The following MAP4K3 variants were observed in gnomAD, a reference collection of about 807,000 sequenced individuals.
MAP4K3 encodes the protein mitogen-activated protein kinase kinase kinase kinase 3.
MAP4K3 carries 94 observed loss-of-function variants against 143.5 expected under a neutral mutation model. The ratio of observed to expected loss-of-function variants is 0.65; its 90% confidence interval spans 0.55 to 0.78. The LOEUF is 0.78. Among genes scored for constraint, MAP4K3 ranks in the 30% least tolerant of loss-of-function variants. The pLI, the probability that MAP4K3 is intolerant of heterozygous loss-of-function variation, is 0.00. For synonymous variants in MAP4K3, 416 were observed against 347.2 expected, an observed-to-expected ratio of 1.20 and a Z score of -2.20; for missense variants, 1,077 against 1,068.1, an observed-to-expected ratio of 1.01 and a Z score of -0.12.
chr2:39,254,435 A>G lies in MAP4K3; in HGVS notation c.2541+15T>C. ...ATAATGTCTTGTGACTACTTAATGG[A>G]CATAATTTACTTACCTCATTAGATC... is the stretch of plus-strand genomic sequence containing the variant. On this transcript the variant is annotated intron_variant, in intron 32 of 33. Transcript: ENST00000263881. 1.2e-6 allele frequency: 2 copies of G among 1,601,810 alleles called. No homozygotes were observed. The highest frequency in any genetic ancestry group is 3.3e-5 in the Admixed American group (2 of 59,848).
At chr2:39,288,742 A>G (rs937937020) in intron 19 of MAP4K3, among the ~76,000 whole-genome samples, 10 of 152,222 alleles carry the variant, frequency 6.6e-5, no homozygotes, top group Admixed American at 3.3e-4. Flanking sequence ...CAGGGGCATG[A>G]GAGGATACCA....
At position 39,272,363 on chromosome 2, in the gene MAP4K3, C is replaced by T. The variant is rs188401537; in HGVS notation, c.1893G>A (p.Gly631=). Residue 631 remains glycine, a synonymous_variant, in exon 26 of 34, where the codon GGG becomes GGA. Transcript: ENST00000263881. ...GCATTTGTCTTGCATAATCAAAAAG[C>T]CCTGGTAAATTATGGGAATAAAGCT... ...ASQLYSHNLP[G]LFDYARQMQK... is the part of the protein sequence containing the mutation. 4.3e-6 allele frequency: 7 copies of T among 1,613,520 alleles called. No homozygotes were observed. In the East Asian group the frequency reaches 1.3e-4, roughly 31 times the overall value.
intron 1 of MAP4K3, among the ~76,000 whole-genome samples, chr2:39,396,212 A>ATT (rs1666800982): frequency 6.6e-6 from 1 of 151,820 alleles, no homozygotes; most frequent in Non-Finnish European, 1.5e-5. Context: ...TAATTTTTAA[A>ATT]TTTTTTAATG....
intron 1 of MAP4K3, among the ~76,000 whole-genome samples, chr2:39,417,592 A>G (rs1225410513): frequency 2.0e-5 from 3 of 152,228 alleles, no homozygotes; most frequent in African/African-American, 7.2e-5. Flanking sequence ...AAACCATGTG[A>G]TGCTAGATTA....
At chr2:39,294,206 A>G (rs950320380) in intron 16 of MAP4K3, 2 of 152,176 alleles carry the variant, frequency 1.3e-5, no homozygotes, top group South Asian at 2.1e-4. Context: ...CTCCTAATAC[A>G]TATCAGGAAA....
intron 6 of MAP4K3, among the ~76,000 whole-genome samples, chr2:39,335,892 A>G (rs1664936318): frequency 6.6e-6 from 1 of 152,210 alleles, no homozygotes; most frequent in African/African-American, 2.4e-5. Flanking sequence ...TTATCATCAG[A>G]AACCCAGAGG....
chr2:39,416,191 G>A (rs978519231), intron 1 of MAP4K3, among the ~76,000 whole-genome samples: 1 of 150,902 alleles, frequency 6.6e-6, no homozygotes, highest in Admixed American at 6.6e-5. Context: ...GAGTTGGGAG[G>A]GCTGTCCTGT....
intron 18 of MAP4K3, among the ~76,000 whole-genome samples, chr2:39,290,576 G>A (rs1377737896): frequency 2.0e-5 from 3 of 151,926 alleles, no homozygotes; most frequent in Non-Finnish European, 4.4e-5. Context: ...AACACCGCAT[G>A]ATCTTACTCA....
intron 3 of MAP4K3, among the ~76,000 whole-genome samples, chr2:39,353,135 A>C (rs559694396): frequency 3.3e-5 from 5 of 152,330 alleles, no homozygotes; most frequent in African/African-American, 9.6e-5. Context: ...AGTGCCACTA[A>C]TGAGACGTTG....
chr2:39,326,105 A>G, intron 9 of MAP4K3, 41 bp downstream of exon 9: 1 of 1,594,832 alleles, frequency 6.3e-7, no homozygotes, highest in Non-Finnish European at 8.5e-7. Context: ...TAAGAGGATA[A>G]AAACCTTAAG....
rs187825150 is a variant in MAP4K3 at position 39,338,032 on chromosome 2, G to C, written c.311-451C>G. Among the ~76,000 whole-genome samples the C allele has an allele frequency of 7.6e-4, 116 of 152,126 alleles. No individual in the cohort carries two copies. The East Asian group carries it at 0.015, about 19-fold the overall frequency. On this transcript the variant is annotated intron_variant, in intron 4 of 33. Transcript: ENST00000263881. ...CCTGCCTCAGCCTCCTGAAGTGCTG[G>C]AATTACAGGTGTGAGCCACTGTGCC...
Position 39,299,783 on chromosome 2 carries a change from C to T in MAP4K3, c.1138G>A (p.Gly380Arg). Reference protein sequence around the residue: ...RSNLDLQLEYGQGHQGGYFLG... With the variant: ...RSNLDLQLEYRQGHQGGYFLG... ...AAGTAACCACCTTGGTGTCCTTGTC[C>T]ATATTCCAGTTGCAGATCCTAATAG... The change falls in exon 16 of 34, where the codon GGA becomes AGA. Residue 380 changes from glycine to arginine, a missense_variant. Physicochemically the swap from Gly to Arg is moderately radical, Grantham distance 125. This residue lies in a region of MAP4K3 where 864 missense variants were observed against 801.2 expected (regional missense o/e 1.08). Coordinates refer to ENST00000263881, the MANE Select transcript of MAP4K3 (RefSeq NM_003618.4). The T allele has an allele frequency of 6.3e-7, 1 of 1,575,922 alleles. No individual in the cohort carries two copies. The highest frequency in any genetic ancestry group is 1.2e-5 in the South Asian group (1 of 82,378).
At chr2:39,368,920 A>G (rs1387094018) in intron 2 of MAP4K3, among the ~76,000 whole-genome samples, 4 of 152,176 alleles carry the variant, frequency 2.6e-5, no homozygotes, top group Non-Finnish European at 5.9e-5. Context: ...ATTTTTACAT[A>G]TATCGTACCT....
chr2:39,252,745 T>C (rs1680199048), intron 32 of MAP4K3, among the ~76,000 whole-genome samples: 1 of 152,218 alleles, frequency 6.6e-6, no homozygotes. Context: ...ACCCCTACAA[T>C]TAGATTTTCT....
chr2:39,295,147 A>G (rs934988277), intron 16 of MAP4K3, among the ~76,000 whole-genome samples: 1 of 152,166 alleles, frequency 6.6e-6, no homozygotes, highest in East Asian at 1.9e-4. Flanking sequence ...CTCAACAAAA[A>G]GTGTTCTGCA....
At chr2:39,341,759 A>G (rs1268077348) in intron 4 of MAP4K3, among the ~76,000 whole-genome samples, 2 of 152,174 alleles carry the variant, frequency 1.3e-5, no homozygotes, top group Non-Finnish European at 2.9e-5. Context: ...TGGAATAGCC[A>G]TTTGAATTTC....
At chr2:39,419,013 T>C (rs1667473227) in intron 1 of MAP4K3, among the ~76,000 whole-genome samples, 1 of 151,918 alleles carries the variant, frequency 6.6e-6, no homozygotes, top group South Asian at 2.1e-4. Flanking sequence ...GGTAACATGT[T>C]AACAAAAAAC....
chr2:39,293,408 T>C (rs1367714967), intron 16 of MAP4K3, 140 bp from the exon 17 acceptor site: 3 of 606,214 alleles, frequency 4.9e-6, no homozygotes, highest in Non-Finnish European at 8.7e-6. Flanking sequence ...TTGCTAGTGA[T>C]CACCTCTGCA....
chr2:39,326,308 TTC>T (rs1683488051), intron 8 of MAP4K3, 31 bp from the exon 9 acceptor site: 9 of 1,608,756 alleles, frequency 5.6e-6, no homozygotes, highest in Non-Finnish European at 6.8e-6. Context: ...AATAAAAAAC[TTC>T]TGTTATATGT....
Sources: gnomAD v4.1 joint callset for allele counts (sites outside exome capture counted in the v4.1 genomes callset) on GRCh38, gnomAD v4.1.1 for gene constraint, gnomAD v4.1.1 regional missense constraint, MANE v1.5 for transcripts, NCBI Gene and HGNC (gene_info 2026-07-23, HGNC 2026-07-21) for gene names.